The following FMN1 variants were observed in gnomAD, a reference collection of about 807,000 sequenced individuals.
FMN1 encodes the protein formin 1, also known as formin-1.
FMN1 carries 110 observed loss-of-function variants against 132.4 expected under a neutral mutation model. That is an observed-to-expected ratio of 0.83 (90% CI 0.71 to 0.97). The LOEUF is 0.97. Among genes scored for constraint, FMN1 ranks in the 50% least tolerant of loss-of-function variants. FMN1 has a pLI of 0.00. For missense variants in FMN1, 1,792 were observed against 1,705.3 expected, an observed-to-expected ratio of 1.05 and a Z score of -0.90; for synonymous variants, 722 against 651.7, an observed-to-expected ratio of 1.11 and a Z score of -1.64.
At chr15:32,823,309 C>A (rs2141117290) in intron 17 of FMN1, among the ~76,000 whole-genome samples, 1 of 151,906 alleles carries the variant, frequency 6.6e-6, no homozygotes, top group Admixed American at 6.6e-5. Context: ...CTACAGGCAC[C>A]CACCACCATG....
intron 12 of FMN1, among the ~76,000 whole-genome samples, chr15:32,903,748 T>C (rs563861171): frequency 6.6e-6 from 1 of 152,296 alleles, no homozygotes; most frequent in South Asian, 2.1e-4. Flanking sequence ...AGGACCAATA[T>C]GAGGCGACAA....
At chr15:32,795,592 TG>T (rs910753279) in intron 19 of FMN1, among the ~76,000 whole-genome samples, 16 of 136,446 alleles carry the variant, frequency 1.2e-4, no homozygotes, top group Non-Finnish European at 2.0e-4. Flanking sequence ...TTAATGGGGG[TG>T]GGGGGGTGGC....
intron 17 of FMN1, among the ~76,000 whole-genome samples, chr15:32,842,908 C>G (rs1287584637): frequency 6.6e-6 from 1 of 151,508 alleles, no homozygotes; most frequent in Non-Finnish European, 1.5e-5. Context: ...GGCAGATCAC[C>G]TGAGGTCGGG....
chr15:32,960,067 A>T (rs2030332883), intron 9 of FMN1, among the ~76,000 whole-genome samples: 1 of 152,250 alleles, frequency 6.6e-6, no homozygotes, highest in South Asian at 2.1e-4. Context: ...TTAAAAAGCC[A>T]GCCTGGCTAC....
intron 15 of FMN1, among the ~76,000 whole-genome samples, chr15:32,892,036 A>G (rs1042894130): frequency 2.0e-5 from 3 of 152,122 alleles, no homozygotes; most frequent in African/African-American, 4.8e-5. Flanking sequence ...ACTGATTTGG[A>G]TGCCCTTCCT....
intron 6 of FMN1, among the ~76,000 whole-genome samples, chr15:33,008,515 A>T (rs1015017952): frequency 2.6e-5 from 4 of 152,108 alleles, no homozygotes; most frequent in Non-Finnish European, 5.9e-5. Flanking sequence ...AGAAAAAAAA[A>T]ATCTCCATTT....
chr15:33,010,753 T>C (rs1443670059), intron 6 of FMN1, among the ~76,000 whole-genome samples: 2 of 152,020 alleles, frequency 1.3e-5, no homozygotes, highest in East Asian at 1.9e-4. Flanking sequence ...AACAAAAATA[T>C]ACAAAAATCC....
intron 6 of FMN1, among the ~76,000 whole-genome samples, chr15:33,048,645 A>AAAAAAAAAAAAAAC (rs1566865413): frequency 4.2e-4 from 35 of 83,224 alleles, no homozygotes; most frequent in Middle Eastern, 5.6e-3. Flanking sequence ...AAAAAAAAAA[A>AAAAAAAAAAAAAAC]AAAACCAACA....
chr15:33,081,947 T>C (rs2038477922), intron 5 of FMN1, among the ~76,000 whole-genome samples: 2 of 152,026 alleles, frequency 1.3e-5, no homozygotes. Context: ...CAGTAAAAAG[T>C]ATGCAGGGCC....
At chr15:32,784,455 C>T (rs141466870) in intron 19 of FMN1, among the ~76,000 whole-genome samples, 161 of 151,422 alleles carry the variant, frequency 1.1e-3, no homozygotes, top group African/African-American at 3.8e-3. Flanking sequence ...AAACCTTCCT[C>T]TTCAGGAGAA....
At chr15:33,155,476 G>A (rs1049286221) in intron 3 of FMN1, among the ~76,000 whole-genome samples, 2 of 152,124 alleles carry the variant, frequency 1.3e-5, no homozygotes, top group Non-Finnish European at 2.9e-5. Context: ...CTTTGCAAAG[G>A]TAGATCGATC....
chr15:32,879,287 A>G (rs2059707669), intron 16 of FMN1, among the ~76,000 whole-genome samples: 2 of 152,202 alleles, frequency 1.3e-5, no homozygotes, highest in Admixed American at 1.3e-4. Flanking sequence ...TATTTTTAAC[A>G]CCATGGCAAC....
chr15:32,820,653 T>C (rs17228808), intron 17 of FMN1, among the ~76,000 whole-genome samples: 4,523 of 152,248 alleles, frequency 0.03, 111 homozygotes, highest in African/African-American at 0.063. Flanking sequence ...GATTTGTTAG[T>C]GTTATCAGGT....
chr15:33,151,403 T>G, intron 4 of FMN1: 2 of 1,535,524 alleles, frequency 1.3e-6, no homozygotes, highest in South Asian at 2.4e-5. Context: ...AAAGGGAATG[T>G]TGAGTGATTG....
intron 15 of FMN1, among the ~76,000 whole-genome samples, chr15:32,891,896 A>C (rs1313846900): frequency 1.3e-5 from 2 of 152,062 alleles, no homozygotes; most frequent in Admixed American, 1.3e-4. Flanking sequence ...TAATTTGTGT[A>C]CATTAATCTT....
rs1038665274 is a variant in FMN1, at chr15:32,765,735, T to G, written c.*8575A>C. 1 of 152,274 alleles carries G rather than the reference T, an allele frequency of 6.6e-6. No individual in the cohort carries two copies. Among genetic ancestry groups the G allele is most frequent in the Admixed American group, 6.5e-5 (1 of 15,298 alleles). 9.4% of individuals were successfully genotyped at this position (152,274 alleles called of 1,614,324 possible). A position where few individuals can be genotyped will look rare whatever the true frequency, so the allele number is the denominator to read the frequency against. ...GAATAGACAATTGACGTTTTTCTAATCAATATATATTATGTACAAAAATAC... is the reference window on the plus strand; with the variant it reads ...GAATAGACAATTGACGTTTTTCTAAGCAATATATATTATGTACAAAAATAC... On this transcript the variant is annotated 3_prime_UTR_variant, in exon 21 of 21. Coordinates refer to ENST00000616417, the MANE Select transcript of FMN1 (RefSeq NM_001277313.2).
rs5811732 is a variant in FMN1, at chr15:33,096,000, CAA to C, written c.1868-7028_1868-7027del. Among the ~76,000 whole-genome samples, 137 of 130,888 alleles carry C rather than the reference CAA, an allele frequency of 1.0e-3. 1 individual carries two copies. The highest frequency in any genetic ancestry group is 3.1e-3 in the East Asian group (15 of 4,912). The allele number at this position is 130,888 out of a possible 152,430, so 85.9% of individuals were successfully genotyped here. On this transcript the variant is annotated intron_variant, in intron 4 of 20. Transcript: ENST00000616417. Reference sequence around the variant, plus strand: ...GGAATATACGTAACAAGGTAAATACCAAAAAAAAAAAAAGAAGGCACATTTAC... The same window carrying C: ...GGAATATACGTAACAAGGTAAATACCAAAAAAAAAAAGAAGGCACATTTAC...
chr15:33,097,457 A>G (rs2039132108), intron 4 of FMN1, among the ~76,000 whole-genome samples: 1 of 152,214 alleles, frequency 6.6e-6, no homozygotes, highest in Non-Finnish European at 1.5e-5. Context: ...AATACAAAGA[A>G]AACTACAATA....
At chr15:33,024,100 A>C (rs1256785245) in intron 6 of FMN1, among the ~76,000 whole-genome samples, 3 of 152,182 alleles carry the variant, frequency 2.0e-5, no homozygotes, top group East Asian at 1.9e-4. Flanking sequence ...AAGGACAGTA[A>C]ATTTATGGAA....
Sources: allele counts gnomAD v4.1 joint callset (sites outside exome capture counted in the v4.1 genomes callset), GRCh38; gene constraint gnomAD v4.1.1; transcripts MANE v1.5; gene names NCBI Gene and HGNC (gene_info 2026-07-23, HGNC 2026-07-21).